The following HDAC9 variants were observed in gnomAD, a reference collection of about 807,000 sequenced individuals.
HDAC9 encodes the protein MEF-2 interacting transcription repressor (MITR) protein.
A neutral mutation model predicts 139.4 loss-of-function variants in HDAC9; 41 were observed. That is an observed-to-expected ratio of 0.29 (90% CI 0.23 to 0.38). The LOEUF is 0.38. Ranked by LOEUF, HDAC9 falls within the 10% of genes least tolerant of loss-of-function variation. The probability of loss-of-function intolerance (pLI) is 1.00; values close to 1 mark genes in which losing one functional copy is unlikely to be tolerated. For missense variants in HDAC9, 1,147 were observed against 1,297.0 expected (o/e 0.88, Z 1.78); for synonymous variants, 517 against 476.2 (o/e 1.09, Z -1.12).
chr7:18,737,175 C>CA (rs1279514212), intron 13 of HDAC9, among the ~76,000 whole-genome samples: 1 of 152,034 alleles, frequency 6.6e-6, no homozygotes, highest in East Asian at 1.9e-4. Context: ...TTGATCTTTT[C>CA]AAAAAACCAG....
chr7:18,712,251 T>A (rs1308016701), intron 12 of HDAC9, among the ~76,000 whole-genome samples: 1 of 152,184 alleles, frequency 6.6e-6, no homozygotes, highest in Non-Finnish European at 1.5e-5. Flanking sequence ...TGTTGACAAA[T>A]TTTTCATTAA....
At chr7:18,121,577 A>G (rs1382512312) in intron 1 of HDAC9, among the ~76,000 whole-genome samples, 1 of 152,038 alleles carries the variant, frequency 6.6e-6, no homozygotes, top group Non-Finnish European at 1.5e-5. Context: ...AATTATCTAT[A>G]AAGGAGTTGA....
intron 2 of HDAC9, among the ~76,000 whole-genome samples, chr7:18,168,897 T>TTTGTGTGTGTG (rs1351720169): frequency 1.1e-5 from 1 of 94,312 alleles, no homozygotes; most frequent in African/African-American, 5.8e-5. Flanking sequence ...TTTTTTTTTT[T>TTTGTGTGTGTG]TGTGTGTGTG....
intron 1 of HDAC9, among the ~76,000 whole-genome samples, chr7:18,339,388 T>C (rs1398586061): frequency 1.3e-5 from 2 of 151,494 alleles, no homozygotes; most frequent in South Asian, 2.1e-4. Flanking sequence ...TCTTTTCTAC[T>C]ATAGGCACTT....
At chr7:18,423,737 G>A (rs2128754029) in intron 1 of HDAC9, among the ~76,000 whole-genome samples, 1 of 152,304 alleles carries the variant, frequency 6.6e-6, no homozygotes, top group East Asian at 1.9e-4. Context: ...GATCCCAAGA[G>A]AGCAAAAGTA....
chr7:18,445,674 T>C (rs912355847), intron 1 of HDAC9, among the ~76,000 whole-genome samples: 3 of 152,220 alleles, frequency 2.0e-5, no homozygotes, highest in African/African-American at 2.4e-5. Flanking sequence ...GCCTATCTAT[T>C]CCCAAATGCC....
chr7:18,775,684 GT>G (rs35824820), intron 16 of HDAC9, among the ~76,000 whole-genome samples: 51,861 of 146,490 alleles, frequency 0.35, 10,257 homozygotes, highest in East Asian at 0.63. Context: ...CTTATGTTGT[GT>G]TTTTTTTTTT....
rs1807187201 is a variant in HDAC9, at chr7:18,527,087, G to C, written c.22+30763G>C. On this transcript the variant is annotated intron_variant, in intron 2 of 25. Transcript: ENST00000686413. Reference sequence around the variant, plus strand: ...GAGGTTATTAAGTAGAAATTCACATGGATTTAATAATGAAAGATCATTTCC... The same window carrying C: ...GAGGTTATTAAGTAGAAATTCACATCGATTTAATAATGAAAGATCATTTCC... 3.3e-5 allele frequency among the ~76,000 whole-genome samples: 5 copies of C among 152,070 alleles called. No individual in the cohort carries two copies. In the South Asian group the frequency reaches 1.0e-3, roughly 31 times the overall value.
rs553571809 is a variant in HDAC9 at position 18,126,646 on chromosome 7, A to G, written c.-96-35583A>G. Reference sequence around the variant, plus strand: ...GCCCTGTGGTGTTTTATTAGCTTCAATTCTGTGTTTATTACAGTTGGCTGG... The same window carrying G: ...GCCCTGTGGTGTTTTATTAGCTTCAGTTCTGTGTTTATTACAGTTGGCTGG... On this transcript the variant is annotated intron_variant, in intron 1 of 12. Coordinates refer to the HDAC9 transcript ENST00000417496. Among the ~76,000 whole-genome samples the G allele has an allele frequency of 2.6e-5, 4 of 152,218 alleles. No individual in the cohort carries two copies. The East Asian group carries it at 5.8e-4, about 22-fold the overall frequency.
intron 8 of HDAC9, among the ~76,000 whole-genome samples, chr7:18,639,884 A>G (rs941331130): frequency 5.3e-5 from 8 of 151,968 alleles, no homozygotes; most frequent in African/African-American, 1.7e-4. Context: ...AGTCCAGGGA[A>G]GTTGGGTGCT....
chr7:18,193,411 TA>T (rs927943564), intron 2 of HDAC9, among the ~76,000 whole-genome samples: 3 of 152,220 alleles, frequency 2.0e-5, no homozygotes, highest in Non-Finnish European at 2.9e-5. Flanking sequence ...TTCTTTATGA[TA>T]AATTAATTAG....
rs1266255241 is a variant in HDAC9, at chr7:18,924,741, G to GT, written c.2804-11061dup. Among the ~76,000 whole-genome samples, 18 of 152,090 alleles carry GT rather than the reference G, an allele frequency of 1.2e-4. No homozygotes were observed. In the South Asian group the frequency reaches 3.1e-3, roughly 26 times the overall value. ...GTAATATTTTCGTTGTTGTTTGTTT[G>GT]TTTTTTTAAAGACCAGATAACTTAT... On this transcript the variant is annotated intron_variant, in intron 22 of 25. Transcript: ENST00000686413.
At chr7:18,264,281 G>A (rs368000853) in intron 2 of HDAC9, among the ~76,000 whole-genome samples, 1 of 151,984 alleles carries the variant, frequency 6.6e-6, no homozygotes, top group East Asian at 1.9e-4. Context: ...CATAAAATAA[G>A]TTTCAGGAAA....
intron 16 of HDAC9, among the ~76,000 whole-genome samples, chr7:18,792,671 GAACTGA>G (rs1792428845): frequency 1.3e-5 from 2 of 152,118 alleles, no homozygotes; most frequent in South Asian, 4.1e-4. Flanking sequence ...ATACCAGTTT[GAACTGA>G]AACAATCTGA....
At chr7:18,254,439 G>A (rs1010240293) in intron 2 of HDAC9, among the ~76,000 whole-genome samples, 27 of 152,180 alleles carry the variant, frequency 1.8e-4, no homozygotes, top group Middle Eastern at 3.2e-3. Flanking sequence ...GAGGGTGTTT[G>A]TGAAATATTA....
At chr7:18,629,321 T>G in intron 6 of HDAC9, 29 bp from the exon 7 acceptor site, 1 of 1,492,848 alleles carries the variant, frequency 6.7e-7, no homozygotes, top group Non-Finnish European at 8.9e-7. Flanking sequence ...AATTTTTATC[T>G]ATTTTTTTTT....
chr7:18,958,289 G>GA (rs938559969), intron 24 of HDAC9, among the ~76,000 whole-genome samples: 1 of 151,812 alleles, frequency 6.6e-6, no homozygotes, highest in Non-Finnish European at 1.5e-5. Context: ...TGACAAAATG[G>GA]AAAAAAAGTT....
chr7:18,877,769 T>A (rs984687628), intron 22 of HDAC9, among the ~76,000 whole-genome samples: 1 of 152,018 alleles, frequency 6.6e-6, no homozygotes, highest in Non-Finnish European at 1.5e-5. Flanking sequence ...AATATAGAGG[T>A]GATTTAAAAT....
At chr7:18,923,161 C>T (rs1454526977) in intron 22 of HDAC9, among the ~76,000 whole-genome samples, 1 of 152,042 alleles carries the variant, frequency 6.6e-6, no homozygotes, top group African/African-American at 2.4e-5. Flanking sequence ...AAGTGAAATG[C>T]TGATGGTCCC....
Sources: gnomAD v4.1 joint callset for allele counts (sites outside exome capture counted in the v4.1 genomes callset) on GRCh38, gnomAD v4.1.1 for gene constraint, MANE v1.5 for transcripts, NCBI Gene and HGNC (gene_info 2026-07-23, HGNC 2026-07-21) for gene names.